The following TOX variants were observed in gnomAD, a reference collection of about 807,000 sequenced individuals.
The protein encoded by TOX is thymocyte selection-associated high mobility group box protein TOX.
In TOX, 11 loss-of-function variants were observed where a neutral mutation model predicts 53.7. The observed-to-expected ratio is 0.20, with a 90% CI of 0.13 to 0.34. The LOEUF (loss-of-function observed/expected upper bound fraction) is 0.34. Among genes scored for constraint, TOX ranks in the 10% least tolerant of loss-of-function variants. The probability of loss-of-function intolerance (pLI) is 1.00; values close to 1 mark genes in which losing one functional copy is unlikely to be tolerated. For missense variants in TOX, 570 were observed against 664.6 expected, an observed-to-expected ratio of 0.86 and a Z score of 1.56; for synonymous variants, 225 against 245.3, an observed-to-expected ratio of 0.92 and a Z score of 0.77.
rs542336640 is a variant in TOX, at chr8:58,945,709, A to G, written c.169-6165T>C. Among the ~76,000 whole-genome samples the G allele has an allele frequency of 4.6e-5, 7 of 152,322 alleles. No individual in the cohort carries two copies. In the South Asian group the frequency reaches 1.5e-3, roughly 32 times the overall value. ...TGACAACATCTGGAAATGGAATGTT[A>G]ATTATGCTGACTTTTCTTTTGACTA... On this transcript the variant is annotated intron_variant, in intron 2 of 8. Transcript: ENST00000361421.
chr8:59,054,302 C>T (rs1270764419), intron 1 of TOX, among the ~76,000 whole-genome samples: 1 of 152,140 alleles, frequency 6.6e-6, no homozygotes, highest in Non-Finnish European at 1.5e-5. Context: ...CTGATCTTTG[C>T]GTACTCTCTC....
At position 58,851,933 on chromosome 8, in the gene TOX, C is replaced by A. The variant is rs962706536; in HGVS notation, c.412-128G>T. 1 of 838,382 alleles carries A rather than the reference C, an allele frequency of 1.2e-6. No individual in the cohort carries two copies. The highest frequency in any genetic ancestry group is 1.5e-6 in the Non-Finnish European group (1 of 645,230). The allele number at this position is 838,382 out of a possible 1,614,324, so 51.9% of individuals were successfully genotyped here. A position where few individuals can be genotyped will look rare whatever the true frequency, so the allele number is the denominator to read the frequency against. On this transcript the variant is annotated intron_variant, in intron 3 of 8. Transcript: ENST00000361421. This position sits in a 1 kb window ranked among gnomAD's most constrained non-coding sequence, Gnocchi z 4.4. ...TCCAGATGTTCTGCTGAGTTACATA[C>A]ACATTTATTTTATCTGGGGTAAAAT...
chr8:58,910,805 A>T (rs1256816292), intron 3 of TOX, among the ~76,000 whole-genome samples: 6 of 152,164 alleles, frequency 3.9e-5, no homozygotes, highest in Admixed American at 6.5e-5. Flanking sequence ...CAGTGGTCTG[A>T]GTCCCCTATC....
intron 1 of TOX, among the ~76,000 whole-genome samples, chr8:58,966,406 C>G (rs564472188): frequency 6.6e-6 from 1 of 152,202 alleles, no homozygotes; most frequent in Non-Finnish European, 1.5e-5. Flanking sequence ...CAGAGCTGAA[C>G]TAGGGAAGAG....
intron 3 of TOX, among the ~76,000 whole-genome samples, chr8:58,906,279 T>G (rs919943940): frequency 6.6e-6 from 1 of 152,046 alleles, no homozygotes; most frequent in Non-Finnish European, 1.5e-5. Flanking sequence ...AAAAAGACAG[T>G]GGCTGTTCAA....
At chr8:59,022,252 A>G (rs1814149943) in intron 1 of TOX, among the ~76,000 whole-genome samples, 1 of 152,124 alleles carries the variant, frequency 6.6e-6, no homozygotes, top group African/African-American at 2.4e-5. Flanking sequence ...TTTCATTGGC[A>G]TGTTCCCAGT....
rs77236655 is a variant in TOX at position 58,958,486 on chromosome 8, C to T, written c.168+1457G>A. On this transcript the variant is annotated intron_variant, in intron 2 of 8. Coordinates refer to ENST00000361421, the MANE Select transcript of TOX (RefSeq NM_014729.3). Reference sequence around the variant, plus strand: ...CCCTAAAGGCACCAAAGAGATGATACCAGGTTGCTTTAATCTAATAGTAAT... The same window carrying T: ...CCCTAAAGGCACCAAAGAGATGATATCAGGTTGCTTTAATCTAATAGTAAT... Among the ~76,000 whole-genome samples the T allele has an allele frequency of 2.0e-3, 302 of 152,280 alleles. 1 individual carries two copies. The highest frequency in any genetic ancestry group is 5.8e-3 in the Admixed American group (89 of 15,296).
chr8:59,060,353 C>A (rs191418033), intron 1 of TOX, among the ~76,000 whole-genome samples: 5 of 152,170 alleles, frequency 3.3e-5, no homozygotes, highest in African/African-American at 2.4e-5. Flanking sequence ...TATGGCTGGG[C>A]GCAGTGGCTC....
At chr8:59,026,122 G>A (rs2326252) in intron 1 of TOX, among the ~76,000 whole-genome samples, 527 of 150,642 alleles carry the variant, frequency 3.5e-3, no homozygotes, top group Middle Eastern at 6.9e-3. Context: ...TTAATTTTAT[G>A]TTTTTTTTTT....
At chr8:58,928,645 T>TATAC (rs1554530594) in intron 3 of TOX, among the ~76,000 whole-genome samples, 3 of 152,180 alleles carry the variant, frequency 2.0e-5, no homozygotes, top group South Asian at 2.1e-4. Context: ...TATATATATA[T>TATAC]ACACACACAT....
intron 1 of TOX, among the ~76,000 whole-genome samples, chr8:59,002,485 G>C (rs1333315848): frequency 6.6e-6 from 1 of 150,954 alleles, no homozygotes; most frequent in Non-Finnish European, 1.5e-5. Flanking sequence ...CCTGCTCCTC[G>C]GGAGGCTGAG....
intron 1 of TOX, chr8:58,992,282 C>T (rs1388286164): frequency 1.3e-5 from 2 of 152,198 alleles, no homozygotes; most frequent in African/African-American, 4.8e-5. Flanking sequence ...ACGTGATCTT[C>T]CCCCCTTATG....
intron 7 of TOX, 49 bp downstream of exon 7, chr8:58,815,289 C>T (rs1810153948): frequency 6.6e-7 from 1 of 1,525,134 alleles, no homozygotes; most frequent in Non-Finnish European, 8.8e-7. Flanking sequence ...TCCACCACCA[C>T]ACTTCAGAAT....
chr8:59,003,553 G>A (rs1039497129), intron 1 of TOX, among the ~76,000 whole-genome samples: 1 of 152,174 alleles, frequency 6.6e-6, no homozygotes, highest in Non-Finnish European at 1.5e-5. Flanking sequence ...AAGACGGGGG[G>A]AAAAGGAATG....
In TOX at chr8:58,955,566, C is replaced by T. The variant is rs139326640; in HGVS notation, c.168+4377G>A. Among the ~76,000 whole-genome samples, 3 of 152,208 alleles carry T rather than the reference C, an allele frequency of 2.0e-5. No homozygotes were observed. In the East Asian group the frequency reaches 5.8e-4, roughly 29 times the overall value. ...CTGATGCCAGGAAAATCTTCTCATT[C>T]TTCCTTAATATGAAAGGATTATTTC... On this transcript the variant is annotated intron_variant, in intron 2 of 8. Transcript: ENST00000361421.
chr8:59,088,057 T>C (rs969249799), intron 1 of TOX, among the ~76,000 whole-genome samples: 3 of 152,154 alleles, frequency 2.0e-5, no homozygotes, highest in Non-Finnish European at 4.4e-5. Flanking sequence ...ATCAAAGGGA[T>C]GGAAACCTTT....
At chr8:59,056,187 A>G (rs1270620301) in intron 1 of TOX, among the ~76,000 whole-genome samples, 1 of 152,044 alleles carries the variant, frequency 6.6e-6, no homozygotes, top group Non-Finnish European at 1.5e-5. Flanking sequence ...GCACTTTGGG[A>G]GGCCAAGGTG....
intron 1 of TOX, among the ~76,000 whole-genome samples, chr8:59,072,326 T>G (rs751910009): frequency 1.2e-4 from 19 of 152,326 alleles, no homozygotes; most frequent in Non-Finnish European, 2.4e-4. Flanking sequence ...CGCAATAAAG[T>G]CCCCAAATAT....
At chr8:59,005,822 C>T (rs1484905088) in intron 1 of TOX, among the ~76,000 whole-genome samples, 1 of 152,238 alleles carries the variant, frequency 6.6e-6, no homozygotes, top group Non-Finnish European at 1.5e-5. Flanking sequence ...TGGTACCCAC[C>T]AGCCCCTTGG....
Sources: gnomAD v4.1 joint callset for allele counts (sites outside exome capture counted in the v4.1 genomes callset) on GRCh38, gnomAD v4.1.1 for gene constraint, Gnocchi (gnomAD v3.1) non-coding constraint, MANE v1.5 for transcripts, NCBI Gene and HGNC (gene_info 2026-07-23, HGNC 2026-07-21) for gene names.